Variants in LRBA observed in about 807,000 individuals in gnomAD.
The protein encoded by LRBA is LPS responsive beige-like anchor protein.
A neutral mutation model predicts 330.0 loss-of-function variants in LRBA; 176 were observed. The ratio of observed to expected loss-of-function variants is 0.53; its 90% CI spans 0.47 to 0.60. The LOEUF (loss-of-function observed/expected upper bound fraction) is 0.60. Among genes scored for constraint, LRBA ranks in the 20% least tolerant of loss-of-function variants. The pLI is 0.00. For synonymous variants in LRBA, 1,230 were observed against 1,193.0 expected (o/e 1.03, Z -0.64); for missense variants, 3,259 against 3,444.8 (o/e 0.95, Z 1.35).
intron 14 of LRBA, among the ~76,000 whole-genome samples, chr4:150,898,154 A>T (rs912159601): frequency 2.0e-5 from 3 of 152,098 alleles, no homozygotes; most frequent in Non-Finnish European, 2.9e-5. Context: ...CTCTGAGAGT[A>T]TTAGTAAGGT....
chr4:150,644,555 A>T (rs1778961339), intron 37 of LRBA, among the ~76,000 whole-genome samples: 1 of 151,942 alleles, frequency 6.6e-6, no homozygotes, highest in African/African-American at 2.4e-5. Context: ...GAGGACATTG[A>T]AGCAAAATCA....
chr4:150,513,535 T>G (rs1762044906), intron 40 of LRBA, among the ~76,000 whole-genome samples: 1 of 152,182 alleles, frequency 6.6e-6, no homozygotes, highest in Non-Finnish European at 1.5e-5. Flanking sequence ...CATGATGCCC[T>G]AATAAAATAC....
chr4:150,298,990 CTG>C lies in LRBA; in HGVS notation c.8017+3633_8017+3634del, dbSNP rs146491185. The stretch of plus-strand genomic sequence containing the variant: ...GAATATAAAAGTGAATAAATAATAA[CTG>C]TTTTGTATATATTCATCTTGCTTAT... On this transcript the variant is annotated intron_variant, in intron 53 of 56. Coordinates refer to ENST00000651943, the MANE Select transcript of LRBA (RefSeq NM_001364905.1). Among the ~76,000 whole-genome samples, 987 of 152,064 alleles carry C rather than the reference CTG, an allele frequency of 6.5e-3. 7 individuals carry two copies. The highest frequency in any genetic ancestry group is 0.02 in the African/African-American group (847 of 41,524).
At chr4:150,409,306 G>C (rs1292934371) in intron 47 of LRBA, among the ~76,000 whole-genome samples, 1 of 152,086 alleles carries the variant, frequency 6.6e-6, no homozygotes, top group Non-Finnish European at 1.5e-5. Context: ...CTCCAAACCT[G>C]TGAGACAATA....
chr4:150,437,367 A>G lies in LRBA; in HGVS notation c.6781-503T>C, dbSNP rs190980182. Among the ~76,000 whole-genome samples the G allele has an allele frequency of 3.3e-5, 5 of 151,936 alleles. No homozygotes were observed. The East Asian group carries it at 9.7e-4, about 29-fold the overall frequency. On this transcript the variant is annotated intron_variant, in intron 44 of 56. Coordinates refer to ENST00000651943, the MANE Select transcript of LRBA (RefSeq NM_001364905.1). Reference sequence around the variant, plus strand: ...TGGGAAAACAGGGTTAAGAAACTAGAAATTTCTACTAGTGTGAGTGAAAAC... The same window carrying G: ...TGGGAAAACAGGGTTAAGAAACTAGGAATTTCTACTAGTGTGAGTGAAAAC...
intron 35 of LRBA, among the ~76,000 whole-genome samples, chr4:150,737,500 A>AT (rs889086248): frequency 1.8e-3 from 253 of 141,424 alleles, no homozygotes; most frequent in Middle Eastern, 0.011. Flanking sequence ...GGAAAAAGAG[A>AT]GAGAGAGAAA....
rs543876610 is a variant in LRBA, at chr4:150,913,036, T to C, written c.1161+1159A>G. ...TTAAAAACTTGGTGGACTTTCCAGTTTTTCTTTGGCAACTGGTTTCTAGTT... is the reference window on the plus strand; with the variant it reads ...TTAAAAACTTGGTGGACTTTCCAGTCTTTCTTTGGCAACTGGTTTCTAGTT... On this transcript the variant is annotated intron_variant, in intron 9 of 56. Transcript: ENST00000651943. 3.3e-5 allele frequency among the ~76,000 whole-genome samples: 5 copies of C among 152,332 alleles called. No individual in the cohort carries two copies. The South Asian group carries it at 1.0e-3, about 32-fold the overall frequency.
intron 42 of LRBA, among the ~76,000 whole-genome samples, chr4:150,486,794 C>T (rs971143996): frequency 6.6e-6 from 1 of 151,718 alleles, no homozygotes; most frequent in Non-Finnish European, 1.5e-5. Context: ...CCCCAGTCAC[C>T]CCACCCCTAA....
At position 150,619,144 on chromosome 4, in the gene LRBA, A is replaced by T. The variant is rs986092110; in HGVS notation, c.5922-20013T>A. On this transcript the variant is annotated intron_variant, in intron 37 of 56. Transcript: ENST00000651943. ...AAATCACAGAGAGGTACATGTTTAAATACCTTATGGTTTCATTTTACACTT... is the reference window on the plus strand; with the variant it reads ...AAATCACAGAGAGGTACATGTTTAATTACCTTATGGTTTCATTTTACACTT... Among the ~76,000 whole-genome samples, 5 of 152,172 alleles carry T rather than the reference A, an allele frequency of 3.3e-5. No individual in the cohort carries two copies. In the South Asian group the frequency reaches 1.0e-3, roughly 31 times the overall value.
chr4:150,838,710 T>G (rs556324555), intron 28 of LRBA, among the ~76,000 whole-genome samples: 19 of 152,308 alleles, frequency 1.2e-4, no homozygotes, highest in African/African-American at 4.6e-4. Context: ...TTTTCAAGGT[T>G]TTCATAGCTT....
chr4:150,487,337 G>A (rs966072406), intron 42 of LRBA, among the ~76,000 whole-genome samples: 4 of 150,572 alleles, frequency 2.7e-5, no homozygotes, highest in Non-Finnish European at 4.4e-5. Context: ...TTCCTAAAAG[G>A]TTAGTATTTA....
intron 47 of LRBA, among the ~76,000 whole-genome samples, chr4:150,414,249 A>G (rs1747408563): frequency 6.6e-6 from 1 of 152,196 alleles, no homozygotes; most frequent in Non-Finnish European, 1.5e-5. Context: ...TCCAAAGCTT[A>G]CATATTCTTT....
intron 40 of LRBA, among the ~76,000 whole-genome samples, chr4:150,521,402 T>C (rs1257804905): frequency 6.6e-6 from 1 of 152,184 alleles, no homozygotes; most frequent in Non-Finnish European, 1.5e-5. Flanking sequence ...ATCCCACTAA[T>C]TTTGATATAT....
At chr4:150,782,747 T>C (rs1358922362) in intron 34 of LRBA, among the ~76,000 whole-genome samples, 1 of 152,142 alleles carries the variant, frequency 6.6e-6, no homozygotes, top group African/African-American at 2.4e-5. Context: ...TTCCAGGGAT[T>C]TGTCATGGCT....
intron 40 of LRBA, among the ~76,000 whole-genome samples, chr4:150,538,600 C>T (rs1175908481): frequency 6.6e-6 from 1 of 151,732 alleles, no homozygotes; most frequent in African/African-American, 2.4e-5. Context: ...TACATATGGA[C>T]ATACAGATGG....
chr4:150,291,834 C>G (rs1728336321), intron 53 of LRBA, among the ~76,000 whole-genome samples: 1 of 151,648 alleles, frequency 6.6e-6, no homozygotes, highest in Admixed American at 6.6e-5. Context: ...AAATGTCCAA[C>G]AACGATAGAC....
At chr4:150,770,769 T>C (rs1308874081) in intron 34 of LRBA, among the ~76,000 whole-genome samples, 1 of 152,182 alleles carries the variant, frequency 6.6e-6, no homozygotes, top group Non-Finnish European at 1.5e-5. Context: ...GTCCTGGTAC[T>C]GTACCTAATA....
At chr4:150,324,172 C>T (rs1732931173) in intron 49 of LRBA, among the ~76,000 whole-genome samples, 1 of 152,134 alleles carries the variant, frequency 6.6e-6, no homozygotes, top group Non-Finnish European at 1.5e-5. Context: ...AGCCAATAAG[C>T]CTCTGCCATG....
chr4:150,581,545 T>TA (rs35940180), intron 40 of LRBA: 17,710 of 179,956 alleles, frequency 0.098, 675 homozygotes, highest in East Asian at 0.2. Context: ...TAGAATCATT[T>TA]AAAAAAAAAA....
Sources: allele counts gnomAD v4.1 joint callset (sites outside exome capture counted in the v4.1 genomes callset), GRCh38; gene constraint gnomAD v4.1.1; transcripts MANE v1.5; gene names NCBI Gene and HGNC (gene_info 2026-07-23, HGNC 2026-07-21).